Variants in TOX2 observed in about 807,000 individuals in gnomAD.
TOX2 encodes the protein granulosa cell HMG box 1.
TOX2 carries 15 observed loss-of-function variants against 47.4 expected under a neutral mutation model. That is an observed-to-expected ratio of 0.32 (90% CI 0.21 to 0.49). The LOEUF (loss-of-function observed/expected upper bound fraction) is 0.49, where lower values mean the gene tolerates loss of function less well. TOX2 is among the 20% of genes least tolerant of loss of function. The pLI is 0.99. For synonymous variants in TOX2, 290 were observed against 296.6 expected, an observed-to-expected ratio of 0.98 and a Z score of 0.23; for missense variants, 622 against 673.1, an observed-to-expected ratio of 0.92 and a Z score of 0.84.
chr20:44,049,653 C>T (rs1320742360), intron 3 of TOX2, among the ~76,000 whole-genome samples: 1 of 152,124 alleles, frequency 6.6e-6, no homozygotes, highest in Admixed American at 6.5e-5. Context: ...CTCCCCTTGC[C>T]CCCTCAACGC....
intron 3 of TOX2, among the ~76,000 whole-genome samples, chr20:44,019,713 T>C (rs545986730): frequency 3.9e-5 from 6 of 152,204 alleles, no homozygotes; most frequent in Non-Finnish European, 8.8e-5. Flanking sequence ...CTAAGCATGG[T>C]TAGTTCTTCC....
chr20:44,067,214 G>A (rs1178621455), intron 8 of TOX2, among the ~76,000 whole-genome samples: 1 of 152,112 alleles, frequency 6.6e-6, no homozygotes, highest in East Asian at 1.9e-4. Context: ...GGTGCCTTTG[G>A]GGATGCACTG....
In TOX2 at chr20:43,937,735, G is replaced by A. The variant is rs61634177; in HGVS notation, c.99+22745G>A. 2.4e-3 allele frequency among the ~76,000 whole-genome samples: 360 copies of A among 152,258 alleles called. 5 individuals are homozygous for A. The highest frequency in any genetic ancestry group is 8.0e-3 in the African/African-American group (333 of 41,540). On this transcript the variant is annotated intron_variant, in intron 1 of 8. Coordinates refer to ENST00000341197, the MANE Select transcript of TOX2 (RefSeq NM_001098797.2). ...TGGGAGGGCCATCCTGGGGGCGACC[G>A]CAGCATCGAGTCCCCATGCGGATCT...
At chr20:43,985,411 C>T (rs193126646) in intron 2 of TOX2, among the ~76,000 whole-genome samples, 56 of 152,310 alleles carry the variant, frequency 3.7e-4, no homozygotes, top group African/African-American at 1.3e-3. Context: ...TGATAAGGAG[C>T]TGGGTTATAA....
chr20:44,015,523 G>A (rs1478010244), intron 3 of TOX2, among the ~76,000 whole-genome samples: 2 of 152,086 alleles, frequency 1.3e-5, no homozygotes, highest in Non-Finnish European at 2.9e-5. Flanking sequence ...CAAAAGCTAA[G>A]CTAATAAAAG....
At chr20:44,048,175 A>C (rs6130508) in intron 3 of TOX2, among the ~76,000 whole-genome samples, 95,003 of 151,386 alleles carry the variant, frequency 0.63, 31,235 homozygotes, top group East Asian at 0.79. Flanking sequence ...TGGTGAGCCG[A>C]GATAGCATCA....
chr20:44,062,628 A>G (rs994463994), intron 5 of TOX2, among the ~76,000 whole-genome samples: 2 of 152,202 alleles, frequency 1.3e-5, no homozygotes, highest in African/African-American at 2.4e-5. Flanking sequence ...CATTCTTCAC[A>G]GAACTAGAAA....
At chr20:44,039,253 C>G in intron 3 of TOX2, 2 of 1,289,450 alleles carry the variant, frequency 1.6e-6, no homozygotes, top group Non-Finnish European at 2.0e-6. Flanking sequence ...GAGGATGACA[C>G]AGAGGGCAGG....
intron 3 of TOX2, among the ~76,000 whole-genome samples, chr20:44,033,320 G>T (rs1032145543): frequency 6.6e-6 from 1 of 152,040 alleles, no homozygotes; most frequent in Non-Finnish European, 1.5e-5. Flanking sequence ...AGAGCAGTGT[G>T]CCCCTGGGAA....
At chr20:44,036,554 A>G (rs2071244409) in intron 3 of TOX2, among the ~76,000 whole-genome samples, 1 of 152,266 alleles carries the variant, frequency 6.6e-6, no homozygotes, top group Admixed American at 6.5e-5. Flanking sequence ...TGCCACATAA[A>G]GGATAACATT....
At chr20:44,047,368 T>A (rs1462977043) in intron 3 of TOX2, among the ~76,000 whole-genome samples, 2 of 152,096 alleles carry the variant, frequency 1.3e-5, no homozygotes, top group Admixed American at 6.5e-5. Flanking sequence ...AAAAAGAAAA[T>A]GTGAAAATAG....
At chr20:43,957,804 T>G (rs2069693006) in intron 1 of TOX2, among the ~76,000 whole-genome samples, 1 of 152,098 alleles carries the variant, frequency 6.6e-6, no homozygotes, top group Non-Finnish European at 1.5e-5. Context: ...TCAGAAAACT[T>G]ACAACCGTGG....
rs1018558713 is a variant in TOX2 at position 44,044,148 on chromosome 20, A to G, written c.412-7158A>G. On this transcript the variant is annotated intron_variant, in intron 3 of 8. Coordinates refer to ENST00000341197, the MANE Select transcript of TOX2 (RefSeq NM_001098797.2). ...TGTAGGGACATGGATGAAGCTGGAA[A>G]CCATCATTCTTGGCAAACTATCGCA... Among the ~76,000 whole-genome samples the G allele has an allele frequency of 2.4e-4, 37 of 151,488 alleles. 1 individual carries two copies. Among genetic ancestry groups the G allele is most frequent in the African/African-American group, 8.5e-4 (35 of 41,204 alleles).
chr20:43,950,289 G>A (rs886804425), intron 1 of TOX2, among the ~76,000 whole-genome samples: 2 of 152,014 alleles, frequency 1.3e-5, no homozygotes, highest in African/African-American at 4.8e-5. Context: ...GGATGTCAGC[G>A]GCTCTGAGGC....
chr20:43,953,748 A>G (rs1280747120), intron 1 of TOX2, among the ~76,000 whole-genome samples: 1 of 152,074 alleles, frequency 6.6e-6, no homozygotes, highest in East Asian at 1.9e-4. Flanking sequence ...GGACCAAGAG[A>G]AAGAGGTGGA....
Position 44,024,882 on chromosome 20 carries a change from G to A in TOX2, c.411+18090G>A, listed in dbSNP as rs146976262. Among the ~76,000 whole-genome samples, 982 of 152,214 alleles carry A rather than the reference G, an allele frequency of 6.5e-3. 7 individuals are homozygous for A. Among genetic ancestry groups the A allele is most frequent in the Non-Finnish European group, 1.0e-2 (679 of 68,022 alleles). Reference sequence around the variant, plus strand: ...TACAAAATTTACATACATGGGACCCGAATGTGATGCCTTTTCCTGTACTTT... The same window carrying A: ...TACAAAATTTACATACATGGGACCCAAATGTGATGCCTTTTCCTGTACTTT... On this transcript the variant is annotated intron_variant, in intron 3 of 8. Coordinates refer to ENST00000341197, the MANE Select transcript of TOX2 (RefSeq NM_001098797.2).
chr20:43,936,906 T>A (rs1382665764), intron 1 of TOX2, among the ~76,000 whole-genome samples: 8 of 152,330 alleles, frequency 5.3e-5, no homozygotes, highest in African/African-American at 1.9e-4. Context: ...CTTTGTAATC[T>A]ACACAGCTGC....
Position 43,993,586 on chromosome 20 carries a change from G to A in TOX2, c.166-12961G>A, listed in dbSNP as rs992312029. 1.1e-4 allele frequency among the ~76,000 whole-genome samples: 17 copies of A among 152,120 alleles called. No individual in the cohort carries two copies. The East Asian group carries it at 1.5e-3, about 14-fold the overall frequency. ...GATGACCACAAGCTCAGTTCTGGAC[G>A]TGTCAAAGAAATCATGGCCCTTGGA... On this transcript the variant is annotated intron_variant, in intron 2 of 8. Coordinates refer to ENST00000341197, the MANE Select transcript of TOX2 (RefSeq NM_001098797.2).
intron 3 of TOX2, among the ~76,000 whole-genome samples, chr20:44,045,107 G>T (rs1002160831): frequency 6.6e-6 from 1 of 152,180 alleles, no homozygotes. Context: ...AGGGCTGGGG[G>T]AAGAGAGGAA....
Sources: allele counts gnomAD v4.1 joint callset (sites outside exome capture counted in the v4.1 genomes callset), GRCh38; gene constraint gnomAD v4.1.1; transcripts MANE v1.5; gene names NCBI Gene and HGNC (gene_info 2026-07-23, HGNC 2026-07-21).